Variants in ZFAND3 observed in about 807,000 individuals in gnomAD.
ZFAND3 encodes zinc finger AN1-type containing 3, also known as AN1-type zinc finger protein 3.
Under a neutral mutation model 29.6 loss-of-function variants are expected in ZFAND3, and 10 were observed. The ratio of observed to expected loss-of-function variants is 0.34; its 90% CI spans 0.21 to 0.57. ZFAND3 has a LOEUF of 0.57. Ranked by LOEUF, ZFAND3 falls within the 20% of genes least tolerant of loss-of-function variation. The pLI is 0.86. For missense variants in ZFAND3, 230 were observed against 304.5 expected, an observed-to-expected ratio of 0.76 and a Z score of 1.82; for synonymous variants, 128 against 112.6, an observed-to-expected ratio of 1.14 and a Z score of -0.87.
At chr6:37,924,748 G>A (rs757683211) in intron 1 of ZFAND3, among the ~76,000 whole-genome samples, 11 of 151,860 alleles carry the variant, frequency 7.2e-5, no homozygotes, top group Non-Finnish European at 2.9e-5. Flanking sequence ...TTGAGCCTAG[G>A]AGGTCAAGGC....
At chr6:38,145,205 C>T (rs1270218172) in intron 5 of ZFAND3, among the ~76,000 whole-genome samples, 1 of 152,202 alleles carries the variant, frequency 6.6e-6, no homozygotes, top group Non-Finnish European at 1.5e-5. Context: ...GGAAGGGAAC[C>T]AGCGGACGCT....
intron 1 of ZFAND3, among the ~76,000 whole-genome samples, chr6:37,873,251 C>T (rs184765768): frequency 2.5e-4 from 38 of 152,234 alleles, no homozygotes; most frequent in Admixed American, 8.5e-4. Context: ...GCCTGGGTGA[C>T]AGAGCGAGAC....
At chr6:38,021,054 T>C (rs1763340671) in intron 2 of ZFAND3, among the ~76,000 whole-genome samples, 1 of 152,234 alleles carries the variant, frequency 6.6e-6, no homozygotes, top group Non-Finnish European at 1.5e-5. Context: ...ATTCTGTTTC[T>C]TGGTTAACCT....
intron 2 of ZFAND3, among the ~76,000 whole-genome samples, chr6:37,998,585 A>T (rs1762892509): frequency 6.6e-6 from 1 of 152,194 alleles, no homozygotes. Flanking sequence ...ATTTGGAAGT[A>T]AGTGAATTCT....
rs79332822 is a variant in ZFAND3 at position 37,838,341 on chromosome 6, T to G, written c.71+18325T>G. ...TTCACCTACCATAAATTTCATCCTT[T>G]TGGAGTGTATAACTGTGTGTGGTTT... On this transcript the variant is annotated intron_variant, in intron 1 of 5. Transcript: ENST00000287218. 0.017 allele frequency among the ~76,000 whole-genome samples: 2,590 copies of G among 152,324 alleles called. 254 individuals are homozygous for G. The East Asian group carries it at 0.28, about 16-fold the overall frequency.
chr6:37,940,638 G>A (rs926705278), intron 2 of ZFAND3, among the ~76,000 whole-genome samples: 2 of 152,156 alleles, frequency 1.3e-5, no homozygotes, highest in Admixed American at 6.5e-5. Context: ...TTCTGGGGAG[G>A]TCTCTGGAAG....
chr6:38,030,051 G>GATATATATATAT (rs58560520), intron 2 of ZFAND3, among the ~76,000 whole-genome samples: 2 of 94,986 alleles, frequency 2.1e-5, no homozygotes, highest in African/African-American at 4.9e-5. Flanking sequence ...AGTTCTGCTG[G>GATATATATATAT]ATATATATAT....
At chr6:37,999,192 A>T (rs1245400305) in intron 2 of ZFAND3, among the ~76,000 whole-genome samples, 2 of 152,242 alleles carry the variant, frequency 1.3e-5, no homozygotes, top group African/African-American at 2.4e-5. Flanking sequence ...CAGTGGCCCA[A>T]GCTGGAAGGA....
At chr6:38,145,888 C>G (rs886440433) in intron 5 of ZFAND3, among the ~76,000 whole-genome samples, 6 of 152,224 alleles carry the variant, frequency 3.9e-5, no homozygotes, top group African/African-American at 7.2e-5. Flanking sequence ...CCCCCTGCCT[C>G]TCTATTCCGG....
chr6:37,909,100 A>G (rs1288078680), intron 1 of ZFAND3, among the ~76,000 whole-genome samples: 1 of 151,998 alleles, frequency 6.6e-6, no homozygotes, highest in Non-Finnish European at 1.5e-5. Flanking sequence ...TGAATTTGTT[A>G]TGGTAGTAAG....
intron 2 of ZFAND3, among the ~76,000 whole-genome samples, chr6:38,010,408 G>A (rs72850893): frequency 0.065 from 9,862 of 152,156 alleles, 390 homozygotes; most frequent in Non-Finnish European, 0.093. Context: ...GTTATTTGAG[G>A]AGCCATTGTA....
chr6:37,910,565 A>G (rs950026711), intron 1 of ZFAND3, among the ~76,000 whole-genome samples: 3 of 152,200 alleles, frequency 2.0e-5, no homozygotes, highest in African/African-American at 7.2e-5. Flanking sequence ...AAATCAAGCT[A>G]ATTAACACCT....
chr6:37,859,442 C>T (rs1246385976), intron 1 of ZFAND3, among the ~76,000 whole-genome samples: 1 of 152,204 alleles, frequency 6.6e-6, no homozygotes, highest in Non-Finnish European at 1.5e-5. Context: ...CCATCTGTAG[C>T]TATGATTGTC....
At chr6:37,906,436 T>C (rs1264775430) in intron 1 of ZFAND3, among the ~76,000 whole-genome samples, 1 of 152,322 alleles carries the variant, frequency 6.6e-6, no homozygotes, top group South Asian at 2.1e-4. Context: ...CAGTAATCAG[T>C]TGATAGACAT....
intron 2 of ZFAND3, chr6:38,003,767 A>G (rs1253450442): frequency 2.2e-6 from 1 of 448,218 alleles, no homozygotes; most frequent in African/African-American, 2.0e-5. Flanking sequence ...CAGCCTCCCA[A>G]AGTGCTGGGA....
At chr6:38,076,543 T>G (rs1017036972) in intron 3 of ZFAND3, among the ~76,000 whole-genome samples, 7 of 152,350 alleles carry the variant, frequency 4.6e-5, no homozygotes, top group Admixed American at 3.3e-4. Context: ...TCTCGTAAAT[T>G]ACTAATTTAG....
intron 2 of ZFAND3, among the ~76,000 whole-genome samples, chr6:38,044,022 T>TA (rs1221250177): frequency 6.6e-6 from 1 of 151,826 alleles, no homozygotes; most frequent in Non-Finnish European, 1.5e-5. Context: ...AATGACACAA[T>TA]AAAAAAAATT....
chr6:38,140,141 C>T (rs1249585094), intron 5 of ZFAND3, among the ~76,000 whole-genome samples: 1 of 152,146 alleles, frequency 6.6e-6, no homozygotes, highest in African/African-American at 2.4e-5. Context: ...TGTTAGACAT[C>T]TCAAGTCTGA....
chr6:37,917,388 C>T (rs1761280249), intron 1 of ZFAND3, among the ~76,000 whole-genome samples: 1 of 152,194 alleles, frequency 6.6e-6, no homozygotes, highest in Admixed American at 6.5e-5. Context: ...CCTGTAGCAA[C>T]TGTTTTTACC....
Sources: gnomAD v4.1 joint callset for allele counts (sites outside exome capture counted in the v4.1 genomes callset) on GRCh38, gnomAD v4.1.1 for gene constraint, MANE v1.5 for transcripts, NCBI Gene and HGNC (gene_info 2026-07-23, HGNC 2026-07-21) for gene names.